ADGRB3: variants seen among roughly 807,000 people sequenced by gnomAD.
ADGRB3 encodes the protein adhesion G protein-coupled receptor B3.
A neutral mutation model predicts 193.4 loss-of-function variants in ADGRB3; 37 were observed. The ratio of observed to expected loss-of-function variants is 0.19; its 90% CI spans 0.15 to 0.25. ADGRB3 has a LOEUF of 0.25. Among genes scored for constraint, ADGRB3 ranks in the 10% least tolerant of loss-of-function variants. The probability of loss-of-function intolerance (pLI) is 1.00; values close to 1 mark genes in which losing one functional copy is unlikely to be tolerated. For synonymous variants in ADGRB3, 690 were observed against 644.2 expected (o/e 1.07, Z -1.08); for missense variants, 1,637 against 1,852.9 (o/e 0.88, Z 2.14).
chr6:69,193,106 T>C (rs926495160), intron 17 of ADGRB3, among the ~76,000 whole-genome samples: 15 of 152,174 alleles, frequency 9.9e-5, no homozygotes, highest in Non-Finnish European at 2.1e-4. Flanking sequence ...GAGATACTTG[T>C]ATAGAGGATC....
At chr6:69,175,343 ATTC>A (rs1444439229) in intron 17 of ADGRB3, among the ~76,000 whole-genome samples, 61 of 152,338 alleles carry the variant, frequency 4.0e-4, no homozygotes, top group African/African-American at 1.4e-3. Flanking sequence ...GTCCAGTTTC[ATTC>A]TTCTGCATAT....
At position 69,218,889 on chromosome 6, in the gene ADGRB3, G is replaced by GC. The variant is rs747541641; in HGVS notation, c.2481-14399dup. Among the ~76,000 whole-genome samples the GC allele has an allele frequency of 1.9e-3, 292 of 152,110 alleles. 2 individuals carry two copies. The highest frequency in any genetic ancestry group is 3.6e-3 in the Non-Finnish European group (246 of 67,950). On this transcript the variant is annotated intron_variant, in intron 17 of 31. Coordinates refer to ENST00000370598, the MANE Select transcript of ADGRB3 (RefSeq NM_001704.3). ...AATATCATCACTTTCACTTGTACCT[G>GC]CCATAAATTTCTGTCAGTATTTCTC...
chr6:69,069,254 A>T (rs924601505), intron 16 of ADGRB3, among the ~76,000 whole-genome samples: 1 of 151,994 alleles, frequency 6.6e-6, no homozygotes, highest in Non-Finnish European at 1.5e-5. Flanking sequence ...TCACTGCCTC[A>T]TCCCCTTGCA....
At chr6:68,934,351 A>G (rs1053621828) in intron 4 of ADGRB3, among the ~76,000 whole-genome samples, 5 of 152,322 alleles carry the variant, frequency 3.3e-5, no homozygotes, top group African/African-American at 9.6e-5. Flanking sequence ...GCATCATTGC[A>G]GTATCATACA....
chr6:69,133,395 G>A (rs1019598335), intron 17 of ADGRB3, among the ~76,000 whole-genome samples: 1 of 152,034 alleles, frequency 6.6e-6, no homozygotes, highest in African/African-American at 2.4e-5. Flanking sequence ...AATCGTGAAT[G>A]GGAGTTCACT....
At chr6:69,214,030 G>A (rs1203973579) in intron 17 of ADGRB3, among the ~76,000 whole-genome samples, 1 of 152,080 alleles carries the variant, frequency 6.6e-6, no homozygotes, top group African/African-American at 2.4e-5. Flanking sequence ...TATAAAAATA[G>A]CTATCAGAAC....
At chr6:69,350,015 G>A (rs922951270) in intron 26 of ADGRB3, among the ~76,000 whole-genome samples, 10 of 152,260 alleles carry the variant, frequency 6.6e-5, no homozygotes, top group Middle Eastern at 3.4e-3. Flanking sequence ...CCTTCAGAGC[G>A]AAGACCAGTC....
chr6:68,932,700 C>G (rs1767374219), intron 4 of ADGRB3, among the ~76,000 whole-genome samples: 1 of 151,516 alleles, frequency 6.6e-6, no homozygotes, highest in African/African-American at 2.4e-5. Flanking sequence ...AAAGTGTTCC[C>G]TGTATTTGTC....
intron 16 of ADGRB3, among the ~76,000 whole-genome samples, chr6:69,069,574 A>AAAAAAAAAAAAAAAAAAAC: frequency 7.5e-6 from 1 of 133,220 alleles, no homozygotes; most frequent in Non-Finnish European, 1.7e-5. Flanking sequence ...AAAAAAAAAA[A>AAAAAAAAAAAAAAAAAAAC]AAAAAAATTA....
At chr6:69,154,226 T>A (rs1037017866) in intron 17 of ADGRB3, among the ~76,000 whole-genome samples, 3 of 152,204 alleles carry the variant, frequency 2.0e-5, no homozygotes, top group Non-Finnish European at 4.4e-5. Context: ...AGTTCCCATG[T>A]GATGATGAAA....
intron 22 of ADGRB3, 92 bp from the exon 23 acceptor site, chr6:69,330,414 C>T: frequency 1.1e-6 from 1 of 930,172 alleles, no homozygotes; most frequent in South Asian, 2.7e-5. Flanking sequence ...AATTCCAAGG[C>T]AAAATGTATA....
intron 3 of ADGRB3, among the ~76,000 whole-genome samples, chr6:68,922,119 T>G (rs10806607): frequency 2.0e-5 from 3 of 152,090 alleles, no homozygotes; most frequent in African/African-American, 7.3e-5. Flanking sequence ...CATAAGCCTT[T>G]TATATCAGAC....
At chr6:68,786,181 G>T (rs1165625012) in intron 3 of ADGRB3, among the ~76,000 whole-genome samples, 1 of 151,994 alleles carries the variant, frequency 6.6e-6, no homozygotes, top group African/African-American at 2.4e-5. Flanking sequence ...GTCAATTTTC[G>T]CTTTTGTTGC....
At chr6:69,356,012 C>G in intron 28 of ADGRB3, 152 bp downstream of exon 28, 1 of 606,358 alleles carries the variant, frequency 1.6e-6, no homozygotes, top group South Asian at 2.8e-5. Context: ...GCCAAAGGAG[C>G]TGAGAAACCA....
In ADGRB3 at chr6:69,264,869, T is replaced by A. The variant is rs180746250; in HGVS notation, c.2814+25643T>A. Among the ~76,000 whole-genome samples the A allele has an allele frequency of 9.1e-4, 139 of 152,110 alleles. 1 individual carries two copies. The highest frequency in any genetic ancestry group is 4.1e-4 in the South Asian group (2 of 4,832). On this transcript the variant is annotated intron_variant, in intron 20 of 31. Transcript: ENST00000370598. The stretch of plus-strand genomic sequence containing the variant: ...TTTGTTCATTTTTGTATTTTATTGA[T>A]GCATTAAATTTCTGGAAAGTCTGAG...
At chr6:68,738,186 G>A (rs1410986258) in intron 3 of ADGRB3, among the ~76,000 whole-genome samples, 4 of 152,098 alleles carry the variant, frequency 2.6e-5, no homozygotes, top group Non-Finnish European at 5.9e-5. Context: ...GGAATTTGGA[G>A]GAAATGCAGG....
chr6:69,276,633 C>G (rs1443425826), intron 20 of ADGRB3, among the ~76,000 whole-genome samples: 1 of 152,030 alleles, frequency 6.6e-6, no homozygotes, highest in African/African-American at 2.4e-5. Flanking sequence ...TTTCCAAGGT[C>G]TTCATCAGCC....
chr6:69,041,401 T>C (rs1278599093), intron 13 of ADGRB3, among the ~76,000 whole-genome samples: 1 of 152,188 alleles, frequency 6.6e-6, no homozygotes, highest in Non-Finnish European at 1.5e-5. Flanking sequence ...AGTTATGATC[T>C]CCTGATTGAT....
chr6:68,807,573 G>C (rs1471153119), intron 3 of ADGRB3, among the ~76,000 whole-genome samples: 3 of 151,908 alleles, frequency 2.0e-5, no homozygotes, highest in Admixed American at 6.6e-5. Context: ...ACAGTGATGA[G>C]TGATATGTTT....
Sources: allele counts gnomAD v4.1 joint callset (sites outside exome capture counted in the v4.1 genomes callset), GRCh38; gene constraint gnomAD v4.1.1; transcripts MANE v1.5; gene names NCBI Gene and HGNC (gene_info 2026-07-23, HGNC 2026-07-21).